Variants in ARMH3 observed in about 807,000 individuals in gnomAD.
The protein encoded by ARMH3 is armadillo-like helical domain-containing protein 3.
A neutral mutation model predicts 99.1 loss-of-function variants in ARMH3; 60 were observed. The observed-to-expected ratio is 0.61, with a 90% confidence interval of 0.49 to 0.75. The LOEUF is 0.75. ARMH3 is among the 30% of genes least tolerant of loss of function. ARMH3 has a pLI of 0.00. For synonymous variants in ARMH3, 285 were observed against 292.8 expected (o/e 0.97, Z 0.27); for missense variants, 679 against 843.1 (o/e 0.81, Z 2.41).
intron 8 of ARMH3, among the ~76,000 whole-genome samples, chr10:102,017,086 C>T (rs1590188771): frequency 6.6e-6 from 1 of 152,142 alleles, no homozygotes; most frequent in African/African-American, 2.4e-5. Flanking sequence ...TACAACTTAC[C>T]CCATTGGTCA....
intron 2 of ARMH3, among the ~76,000 whole-genome samples, chr10:102,035,919 G>A (rs1056897365): frequency 5.9e-5 from 9 of 151,860 alleles, no homozygotes; most frequent in African/African-American, 1.9e-4. Flanking sequence ...GGGAAGTGAG[G>A]AGCGCCTCTT....
chr10:101,898,699 C>T (rs1393933164), intron 23 of ARMH3, among the ~76,000 whole-genome samples: 1 of 152,246 alleles, frequency 6.6e-6, no homozygotes, highest in African/African-American at 2.4e-5. Flanking sequence ...CACACACACA[C>T]ACACATATAT....
intron 13 of ARMH3, among the ~76,000 whole-genome samples, chr10:102,008,974 GGT>G (rs2066570807): frequency 6.6e-6 from 1 of 152,114 alleles, no homozygotes; most frequent in Non-Finnish European, 1.5e-5. Context: ...TCTGGAAATT[GGT>G]GAGATAATAA....
At chr10:102,002,761 G>C (rs1305801529) in intron 14 of ARMH3, among the ~76,000 whole-genome samples, 2 of 151,766 alleles carry the variant, frequency 1.3e-5, no homozygotes, top group African/African-American at 2.4e-5. Flanking sequence ...AGGAGTTCGA[G>C]GTCAGCCTGG....
At chr10:101,989,050 A>C (rs1846648083) in intron 19 of ARMH3, among the ~76,000 whole-genome samples, 1 of 151,914 alleles carries the variant, frequency 6.6e-6, no homozygotes, top group South Asian at 2.1e-4. Flanking sequence ...TCACCAAATT[A>C]CCCTCTTGCC....
At chr10:101,936,553 G>A (rs1028501384) in intron 23 of ARMH3, among the ~76,000 whole-genome samples, 2 of 149,934 alleles carry the variant, frequency 1.3e-5, no homozygotes, top group Non-Finnish European at 3.0e-5. Flanking sequence ...GAAACACTCT[G>A]AGGAAGGGTC....
chr10:101,867,736 G>A (rs2067036952), intron 24 of ARMH3, among the ~76,000 whole-genome samples: 1 of 151,944 alleles, frequency 6.6e-6, no homozygotes, highest in Non-Finnish European at 1.5e-5. Context: ...GGAGGCTGAG[G>A]TGGGAGGATC....
chr10:101,973,228 G>C (rs905754358), intron 20 of ARMH3, among the ~76,000 whole-genome samples: 6 of 151,990 alleles, frequency 3.9e-5, no homozygotes, highest in African/African-American at 1.4e-4. Context: ...CAGGCCTGGT[G>C]GTGGGTGCCT....
chr10:102,002,148 C>T (rs776764098), intron 14 of ARMH3, 76 bp from the exon 15 acceptor site: 1 of 1,570,660 alleles, frequency 6.4e-7, no homozygotes, highest in Non-Finnish European at 8.6e-7. Flanking sequence ...AGCCAATTTG[C>T]CAGCAGGCAA....
At chr10:102,037,064 T>A (rs918132481) in intron 2 of ARMH3, among the ~76,000 whole-genome samples, 21 of 150,736 alleles carry the variant, frequency 1.4e-4, no homozygotes, top group Non-Finnish European at 2.7e-4. Context: ...AATAAATAAA[T>A]AAATAAATAA....
chr10:101,933,800 T>C (rs1192960771), intron 23 of ARMH3, among the ~76,000 whole-genome samples: 2 of 152,216 alleles, frequency 1.3e-5, no homozygotes, highest in Non-Finnish European at 2.9e-5. Context: ...GAAGGTTATG[T>C]TCATGTACTC....
intron 22 of ARMH3, among the ~76,000 whole-genome samples, chr10:101,940,339 T>C (rs1045146612): frequency 6.6e-6 from 1 of 152,176 alleles, no homozygotes; most frequent in Non-Finnish European, 1.5e-5. Flanking sequence ...ACTGGCTGGC[T>C]TAGTTGATGT....
Position 101,874,284 on chromosome 10 carries a change from A to G in ARMH3, c.1860+15128T>C, listed in dbSNP as rs117504088. Among the ~76,000 whole-genome samples, 5 of 152,142 alleles carry G rather than the reference A, an allele frequency of 3.3e-5. No individual in the cohort carries two copies. The East Asian group carries it at 7.7e-4, about 23-fold the overall frequency. ...TTATACCTCAATAAAGTTAAATTTA[A>G]AAGTCCAGCAAATCAGGACTAGTCA... On this transcript the variant is annotated intron_variant, in intron 24 of 25. Coordinates refer to ENST00000370033, the MANE Select transcript of ARMH3 (RefSeq NM_024541.3).
At chr10:101,850,514 T>G (rs2066574224) in intron 24 of ARMH3, among the ~76,000 whole-genome samples, 1 of 151,510 alleles carries the variant, frequency 6.6e-6, no homozygotes, top group African/African-American at 2.4e-5. Context: ...AACCTCTGCC[T>G]CCTGGGTTCA....
At chr10:101,896,934 G>GT (rs2067852640) in intron 23 of ARMH3, among the ~76,000 whole-genome samples, 1 of 152,144 alleles carries the variant, frequency 6.6e-6, no homozygotes, top group Non-Finnish European at 1.5e-5. Context: ...ATGGTAATAT[G>GT]TATGATATAC....
At chr10:102,033,423 TC>T in intron 2 of ARMH3, 84 bp from the exon 3 acceptor site, 4 of 1,415,542 alleles carry the variant, frequency 2.8e-6, no homozygotes, top group South Asian at 1.3e-5. Flanking sequence ...ACCTTAGTTT[TC>T]TTTTTTTTTT....
intron 20 of ARMH3, among the ~76,000 whole-genome samples, chr10:101,966,102 C>CTTTTTTTTTTTTTT: frequency 7.9e-6 from 1 of 126,292 alleles, no homozygotes; most frequent in African/African-American, 2.9e-5. Context: ...TTTTTCTTTT[C>CTTTTTTTTTTTTTT]TTTTTTTTTT....
intron 22 of ARMH3, among the ~76,000 whole-genome samples, chr10:101,948,825 T>C (rs947026777): frequency 2.0e-5 from 3 of 151,802 alleles, no homozygotes; most frequent in African/African-American, 7.3e-5. Flanking sequence ...TTTACCAAGA[T>C]AGACCATACT....
intron 19 of ARMH3, among the ~76,000 whole-genome samples, chr10:101,976,806 T>A (rs945502158): frequency 2.6e-5 from 4 of 152,096 alleles, no homozygotes; most frequent in Admixed American, 2.0e-4. Context: ...TGCACCACCA[T>A]AGCCGGCTAA....
Sources: gnomAD v4.1 joint callset for allele counts (sites outside exome capture counted in the v4.1 genomes callset) on GRCh38, gnomAD v4.1.1 for gene constraint, MANE v1.5 for transcripts, NCBI Gene and HGNC (gene_info 2026-07-23, HGNC 2026-07-21) for gene names.